ZBTB7C: variants seen among roughly 807,000 people sequenced by gnomAD.
ZBTB7C encodes the protein zinc finger and BTB domain-containing protein 7C.
In ZBTB7C, 8 loss-of-function variants were observed where a neutral mutation model predicts 25.7. The observed-to-expected ratio is 0.31, with a 90% CI of 0.18 to 0.56. The LOEUF is 0.56. Among genes scored for constraint, ZBTB7C ranks in the 20% least tolerant of loss-of-function variants. The probability of loss-of-function intolerance (pLI) is 0.91; values close to 1 mark genes in which losing one functional copy is unlikely to be tolerated. For missense variants in ZBTB7C, 824 were observed against 855.2 expected, an observed-to-expected ratio of 0.96 and a Z score of 0.46; for synonymous variants, 394 against 369.0, an observed-to-expected ratio of 1.07 and a Z score of -0.78.
chr18:48,029,897 T>C lies in ZBTB7C; in HGVS notation c.1223A>G (p.Lys408Arg). 6.2e-7 allele frequency: 1 copy of C among 1,611,528 alleles called. No individual in the cohort carries two copies. Among genetic ancestry groups the C allele is most frequent in the South Asian group, 1.1e-5 (1 of 91,084 alleles). Residue 408 changes from lysine (K) to arginine (R), a missense_variant, in exon 5 of 5, where the codon AAA becomes AGA. By Grantham distance (26) the Lys-to-Arg change is conservative. Coordinates refer to ENST00000590800, the MANE Select transcript of ZBTB7C (RefSeq NM_001318841.2). Reference sequence around the variant, plus strand: ...CCCTGTGTGCTTCCGCATGTGGATTTTCAGCTTGTCCTGCCTGCAATGCAG... The same window carrying C: ...CCCTGTGTGCTTCCGCATGTGGATTCTCAGCTTGTCCTGCCTGCAATGCAG... ...EVRFTRQDKLKIHMRKHTGER... is the reference protein window; with the variant it reads ...EVRFTRQDKLRIHMRKHTGER...
At chr18:48,135,266 T>C (rs776808777) in intron 3 of ZBTB7C, among the ~76,000 whole-genome samples, 3 of 152,166 alleles carry the variant, frequency 2.0e-5, no homozygotes, top group Non-Finnish European at 4.4e-5. Flanking sequence ...AAATGACTGA[T>C]TGTTTAAAAA....
intron 2 of ZBTB7C, among the ~76,000 whole-genome samples, chr18:48,259,519 TA>T (rs1402114247): frequency 8.0e-6 from 1 of 125,752 alleles, no homozygotes; most frequent in Non-Finnish European, 1.6e-5. Context: ...GCACTATACA[TA>T]AAAGAAAAAA....
intron 3 of ZBTB7C, among the ~76,000 whole-genome samples, chr18:48,138,425 C>T (rs1486790932): frequency 4.6e-5 from 7 of 152,200 alleles, no homozygotes; most frequent in Non-Finnish European, 1.0e-4. Flanking sequence ...CAGGAAAGGT[C>T]GGGTCTCTCT....
chr18:48,177,640 C>T (rs1330352739), intron 3 of ZBTB7C, among the ~76,000 whole-genome samples: 1 of 151,962 alleles, frequency 6.6e-6, no homozygotes, highest in African/African-American at 2.4e-5. Flanking sequence ...CATGAAATCG[C>T]CCCTCAGGCC....
intron 3 of ZBTB7C, chr18:48,148,924 T>C (rs1349896726): frequency 6.6e-6 from 1 of 152,252 alleles, no homozygotes; most frequent in Non-Finnish European, 1.5e-5. Context: ...TTTTTAGAAA[T>C]TTCAGCAGAA....
chr18:48,273,959 C>G (rs1217219527), intron 2 of ZBTB7C, among the ~76,000 whole-genome samples: 2 of 152,000 alleles, frequency 1.3e-5, no homozygotes, highest in Non-Finnish European at 2.9e-5. Context: ...AAGAACCTAC[C>G]CCTTTTTTAT....
chr18:48,295,311 A>G (rs1442001538), intron 2 of ZBTB7C, among the ~76,000 whole-genome samples: 1 of 152,148 alleles, frequency 6.6e-6, no homozygotes, highest in Non-Finnish European at 1.5e-5. Context: ...GGCTCCAGAT[A>G]TCTCTAACAC....
chr18:48,046,502 T>C lies in ZBTB7C; in HGVS notation c.-16-5379A>G, dbSNP rs114994153. On this transcript the variant is annotated intron_variant, in intron 3 of 4. Transcript: ENST00000590800. Reference sequence around the variant, plus strand: ...AAAACCCCAGGAAATTAGTTCTCTATGGAGAGCCAAGTTTTCTTGCTTGCT... The same window carrying C: ...AAAACCCCAGGAAATTAGTTCTCTACGGAGAGCCAAGTTTTCTTGCTTGCT... Among the ~76,000 whole-genome samples, 1,309 of 152,358 alleles carry C rather than the reference T, an allele frequency of 8.6e-3. 22 individuals are homozygous for C. Among genetic ancestry groups the C allele is most frequent in the African/African-American group, 0.03 (1,232 of 41,580 alleles).
At chr18:48,277,205 A>G (rs2044686667) in intron 2 of ZBTB7C, among the ~76,000 whole-genome samples, 1 of 145,582 alleles carries the variant, frequency 6.9e-6, no homozygotes, top group South Asian at 2.4e-4. Flanking sequence ...CAGAGTGAAC[A>G]GGCAACCTAC....
chr18:48,250,792 T>A (rs2043829428), intron 2 of ZBTB7C, among the ~76,000 whole-genome samples: 1 of 151,592 alleles, frequency 6.6e-6, no homozygotes, highest in Admixed American at 6.6e-5. Context: ...TTTTTTTTTT[T>A]ATATCCAGTC....
At chr18:48,332,311 T>C (rs2046358153) in intron 2 of ZBTB7C, among the ~76,000 whole-genome samples, 1 of 152,208 alleles carries the variant, frequency 6.6e-6, no homozygotes, top group Non-Finnish European at 1.5e-5. Flanking sequence ...TTGGCTCAGG[T>C]AGAAATTGGT....
intron 4 of ZBTB7C, among the ~76,000 whole-genome samples, chr18:48,038,699 C>G (rs1050147059): frequency 1.3e-5 from 2 of 152,116 alleles, no homozygotes; most frequent in Non-Finnish European, 2.9e-5. Context: ...AGATACATCT[C>G]CAAGAGGAAG....
intron 1 of ZBTB7C, among the ~76,000 whole-genome samples, chr18:48,369,860 A>T (rs2047344826): frequency 6.6e-6 from 1 of 152,220 alleles, no homozygotes; most frequent in Non-Finnish European, 1.5e-5. Flanking sequence ...CAGCAAGCAT[A>T]CAGAATAACC....
chr18:48,227,768 T>C (rs1474650039), intron 2 of ZBTB7C, among the ~76,000 whole-genome samples: 3 of 152,208 alleles, frequency 2.0e-5, no homozygotes, highest in South Asian at 2.1e-4. Context: ...ATAGGAAACA[T>C]TGGGAAATTA....
intron 2 of ZBTB7C, among the ~76,000 whole-genome samples, chr18:48,232,864 G>A (rs2043289398): frequency 6.6e-6 from 1 of 152,190 alleles, no homozygotes; most frequent in Non-Finnish European, 1.5e-5. Flanking sequence ...ATTGAGAACA[G>A]ATAAACAGCA....
intron 3 of ZBTB7C, among the ~76,000 whole-genome samples, chr18:48,140,313 A>T (rs2040301568): frequency 6.6e-6 from 1 of 152,252 alleles, no homozygotes; most frequent in Admixed American, 6.5e-5. Flanking sequence ...ATCTGCAAAG[A>T]GTATACTAAT....
intron 2 of ZBTB7C, among the ~76,000 whole-genome samples, chr18:48,333,869 G>A (rs1185704498): frequency 6.6e-6 from 1 of 152,184 alleles, no homozygotes; most frequent in Non-Finnish European, 1.5e-5. Flanking sequence ...ACCCAACCTT[G>A]AAAACACTGT....
chr18:48,244,682 T>A (rs1178161320), intron 2 of ZBTB7C, among the ~76,000 whole-genome samples: 1 of 151,698 alleles, frequency 6.6e-6, no homozygotes, highest in Non-Finnish European at 1.5e-5. Flanking sequence ...CAAACAAACA[T>A]GAAAAATACT....
intron 2 of ZBTB7C, among the ~76,000 whole-genome samples, chr18:48,249,375 G>A (rs916279172): frequency 1.3e-5 from 2 of 152,140 alleles, no homozygotes; most frequent in Admixed American, 6.5e-5. Context: ...CAACATTAAG[G>A]GGAATGGTTT....
Sources: gnomAD v4.1 joint callset for allele counts (sites outside exome capture counted in the v4.1 genomes callset) on GRCh38, gnomAD v4.1.1 for gene constraint, MANE v1.5 for transcripts, NCBI Gene and HGNC (gene_info 2026-07-23, HGNC 2026-07-21) for gene names.